GRM5: variants seen among roughly 807,000 people sequenced by gnomAD.
GRM5 encodes glutamate metabotropic receptor 5, also known as metabotropic glutamate receptor 5.
Under a neutral mutation model 83.1 loss-of-function variants are expected in GRM5, and 19 were observed. The ratio of observed to expected loss-of-function variants is 0.23; its 90% CI spans 0.16 to 0.34. The LOEUF is 0.34. Ranked by LOEUF, GRM5 falls within the 10% of genes least tolerant of loss-of-function variation. The pLI, the probability that GRM5 is intolerant of heterozygous loss-of-function variation, is 1.00. For synonymous variants in GRM5, 675 were observed against 633.6 expected (o/e 1.07, Z -0.98); for missense variants, 1,160 against 1,588.3 (o/e 0.73, Z 4.58).
At chr11:88,745,163 C>T (rs941189620) in intron 3 of GRM5, among the ~76,000 whole-genome samples, 3 of 150,520 alleles carry the variant, frequency 2.0e-5, no homozygotes, top group Non-Finnish European at 3.0e-5. Flanking sequence ...TTCTCTACTA[C>T]TCACTTCTCC....
chr11:88,641,780 C>T (rs993365272), intron 4 of GRM5, among the ~76,000 whole-genome samples: 3 of 152,302 alleles, frequency 2.0e-5, no homozygotes, highest in African/African-American at 2.4e-5. Flanking sequence ...TGGGCTCCCA[C>T]GGCCTTGGGC....
chr11:88,588,005 G>C (rs538803552), intron 7 of GRM5, among the ~76,000 whole-genome samples: 1 of 152,100 alleles, frequency 6.6e-6, no homozygotes, highest in Admixed American at 6.5e-5. Context: ...GGGAAGAAAC[G>C]ATAATTACTT....
intron 4 of GRM5, among the ~76,000 whole-genome samples, chr11:88,632,212 T>C (rs1774438279): frequency 6.7e-6 from 1 of 150,120 alleles, no homozygotes; most frequent in African/African-American, 2.4e-5. Context: ...TTGCATTTTC[T>C]AAAGTTTCAT....
intron 4 of GRM5, among the ~76,000 whole-genome samples, chr11:88,626,629 T>A (rs1370287991): frequency 6.6e-6 from 1 of 152,166 alleles, no homozygotes; most frequent in Admixed American, 6.6e-5. Flanking sequence ...AGACTGTGTG[T>A]TATGGACTAA....
intron 3 of GRM5, among the ~76,000 whole-genome samples, chr11:88,743,123 A>G (rs914613391): frequency 2.0e-5 from 3 of 152,162 alleles, no homozygotes; most frequent in African/African-American, 7.2e-5. Context: ...TGTTTTATAG[A>G]AACCCCATGT....
intron 3 of GRM5, among the ~76,000 whole-genome samples, chr11:88,723,102 T>C (rs1333970726): frequency 6.6e-6 from 1 of 152,094 alleles, no homozygotes; most frequent in Admixed American, 6.6e-5. Context: ...TTATTCAGAA[T>C]GTCATATATT....
At chr11:88,607,502 G>A (rs574693063) in intron 4 of GRM5, among the ~76,000 whole-genome samples, 1 of 152,242 alleles carries the variant, frequency 6.6e-6, no homozygotes, top group African/African-American at 2.4e-5. Flanking sequence ...ACTCCAGCCT[G>A]TTTTTAGCAC....
intron 3 of GRM5, among the ~76,000 whole-genome samples, chr11:88,709,710 C>T (rs1260305486): frequency 1.3e-5 from 2 of 152,086 alleles, no homozygotes; most frequent in African/African-American, 4.8e-5. Flanking sequence ...GTATTTCCAT[C>T]ACCATTTCCG....
At chr11:88,724,099 C>T (rs184118417) in intron 3 of GRM5, among the ~76,000 whole-genome samples, 8 of 152,246 alleles carry the variant, frequency 5.3e-5, no homozygotes, top group African/African-American at 7.2e-5. Context: ...TACATGTGCT[C>T]GTAGCTACCT....
rs141447486 is a variant in GRM5, at chr11:88,751,417, T to C, written c.912-98014A>G. Among the ~76,000 whole-genome samples the C allele has an allele frequency of 3.5e-3, 528 of 152,006 alleles. 2 individuals are homozygous for C. Among genetic ancestry groups the C allele is most frequent in the African/African-American group, 0.012 (504 of 41,460 alleles). Reference sequence around the variant, plus strand: ...AAGACTGAACCGGGGAGAAACTGAATCCCTGAATAGACTAATAATGAGTTC... The same window carrying C: ...AAGACTGAACCGGGGAGAAACTGAACCCCTGAATAGACTAATAATGAGTTC... On this transcript the variant is annotated intron_variant, in intron 3 of 9. Transcript: ENST00000305447.
intron 3 of GRM5, among the ~76,000 whole-genome samples, chr11:88,738,385 T>C (rs1362936690): frequency 6.6e-6 from 1 of 152,010 alleles, no homozygotes; most frequent in Non-Finnish European, 1.5e-5. Context: ...TTGTTATAAT[T>C]AAATATGTAT....
At chr11:88,721,073 T>G (rs1333806106) in intron 3 of GRM5, among the ~76,000 whole-genome samples, 1 of 152,018 alleles carries the variant, frequency 6.6e-6, no homozygotes, top group East Asian at 1.9e-4. Flanking sequence ...CTTCCTGAAA[T>G]TTATTCTCCT....
At chr11:88,689,963 C>T (rs552880440) in intron 3 of GRM5, among the ~76,000 whole-genome samples, 2 of 152,128 alleles carry the variant, frequency 1.3e-5, no homozygotes, top group Admixed American at 6.5e-5. Context: ...CTTCCTTATG[C>T]CAGACATTGT....
chr11:88,993,184 T>G (rs1940047384), intron 2 of GRM5, among the ~76,000 whole-genome samples: 1 of 146,966 alleles, frequency 6.8e-6, no homozygotes, highest in African/African-American at 2.5e-5. Context: ...AAGAAGGGCG[T>G]GAGTCCAGGA....
Position 88,946,776 on chromosome 11 carries a change from A to T in GRM5, c.662-96621T>A, listed in dbSNP as rs1938296507. 3.9e-5 allele frequency among the ~76,000 whole-genome samples: 6 copies of T among 152,094 alleles called. No individual in the cohort carries two copies. The South Asian group carries it at 1.2e-3, about 31-fold the overall frequency. On this transcript the variant is annotated intron_variant, in intron 2 of 9. Coordinates refer to ENST00000305447, the MANE Select transcript of GRM5 (RefSeq NM_001143831.3). ...GACCAAATTACGTTTTGCGTTTTTG[A>T]CATTTTCAGAAATTCTTTCTTTTGT...
chr11:88,853,826 CAGA>C (rs1364353089), intron 2 of GRM5, among the ~76,000 whole-genome samples: 1 of 151,424 alleles, frequency 6.6e-6, no homozygotes, highest in Non-Finnish European at 1.5e-5. Context: ...ATAAAATTCA[CAGA>C]AGTTCTTTAT....
intron 6 of GRM5, among the ~76,000 whole-genome samples, chr11:88,591,295 A>AT (rs1937635316): frequency 1.3e-5 from 2 of 152,216 alleles, no homozygotes; most frequent in Non-Finnish European, 2.9e-5. Context: ...GAAAAATCTG[A>AT]TTCAACAATT....
At chr11:88,704,239 A>G (rs763447922) in intron 3 of GRM5, among the ~76,000 whole-genome samples, 2 of 152,088 alleles carry the variant, frequency 1.3e-5, no homozygotes, top group Non-Finnish European at 2.9e-5. Flanking sequence ...GGGTGTCAAT[A>G]TATGAATTTG....
intron 3 of GRM5, among the ~76,000 whole-genome samples, chr11:88,678,250 G>T (rs11020932): frequency 0.027 from 4,136 of 151,824 alleles, 171 homozygotes; most frequent in African/African-American, 0.093. Context: ...GTAATGATGG[G>T]GTCTTTCTAT....
Sources: gnomAD v4.1 joint callset for allele counts (sites outside exome capture counted in the v4.1 genomes callset) on GRCh38, gnomAD v4.1.1 for gene constraint, MANE v1.5 for transcripts, NCBI Gene and HGNC (gene_info 2026-07-23, HGNC 2026-07-21) for gene names.